Variants in ARF4 observed in about 807,000 individuals in gnomAD.
The protein encoded by ARF4 is ADP-ribosylation factor 4.
Under a neutral mutation model 24.3 loss-of-function variants are expected in ARF4, and 5 were observed. That is an observed-to-expected ratio of 0.21 (90% CI 0.11 to 0.43). ARF4 has a LOEUF of 0.43. Among genes scored for constraint, ARF4 ranks in the 20% least tolerant of loss-of-function variants. The pLI is 1.00. For synonymous variants in ARF4, 62 were observed against 73.5 expected (o/e 0.84, Z 0.80); for missense variants, 107 against 213.0 (o/e 0.50, Z 3.10).
intron 5 of ARF4, among the ~76,000 whole-genome samples, chr3:57,574,169 G>A (rs2069875686): frequency 6.7e-6 from 1 of 150,032 alleles, no homozygotes; most frequent in African/African-American, 2.5e-5. Context: ...TTGAATTCCT[G>A]ACCTCATGAT....
chr3:57,573,212 A>AAAAG (rs1553729362), intron 5 of ARF4, among the ~76,000 whole-genome samples: 3 of 151,700 alleles, frequency 2.0e-5, no homozygotes, highest in African/African-American at 7.3e-5. Flanking sequence ...AAAAAAAAAA[A>AAAAG]AAAGAAAGAA....
At position 57,572,519 on chromosome 3, in the gene ARF4, G is replaced by A. The variant is rs546754161; in HGVS notation, c.457-221C>T. Among the ~76,000 whole-genome samples the A allele has an allele frequency of 4.6e-5, 7 of 152,114 alleles. No homozygotes were observed. The South Asian group carries it at 8.3e-4, about 18-fold the overall frequency. ...GAGGATCACTTGAGCTTAGTAGTTC[G>A]AGACCAGCCTGGGTAACATGGTGAG... On this transcript the variant is annotated intron_variant, in intron 5 of 5. Transcript: ENST00000303436.
Position 57,587,844 on chromosome 3 carries a change from C to CAGCA in ARF4, c.68-3384_68-3381dup, listed in dbSNP as rs1378629106. ...TACAAGACAACAGTTTAATGGCTCACAGCAACACAGAATGTATCTTATGCA... is the reference window on the plus strand; with the variant it reads ...TACAAGACAACAGTTTAATGGCTCACAGCAAGCAACACAGAATGTATCTTATGCA... On this transcript the variant is annotated intron_variant, in intron 1 of 5. Coordinates refer to ENST00000303436, the MANE Select transcript of ARF4 (RefSeq NM_001660.4). 2.6e-5 allele frequency among the ~76,000 whole-genome samples: 4 copies of CAGCA among 152,068 alleles called. No homozygotes were observed. In the South Asian group the frequency reaches 8.3e-4, roughly 31 times the overall value.
At chr3:57,594,934 A>C (rs2070163550) in intron 1 of ARF4, among the ~76,000 whole-genome samples, 1 of 152,190 alleles carries the variant, frequency 6.6e-6, no homozygotes, top group Non-Finnish European at 1.5e-5. Flanking sequence ...ACTTCCTTTG[A>C]TGAGTTACCA....
chr3:57,584,346 A>T (rs2070011962), intron 2 of ARF4, 38 bp downstream of exon 2: 1 of 1,454,400 alleles, frequency 6.9e-7, no homozygotes, highest in Non-Finnish European at 9.6e-7. Flanking sequence ...TCACTTTACA[A>T]CATATCATGA....
chr3:57,590,015 C>T (rs1385372867), intron 1 of ARF4, among the ~76,000 whole-genome samples: 3 of 149,494 alleles, frequency 2.0e-5, no homozygotes, highest in East Asian at 2.0e-4. Context: ...TGCTTGAACC[C>T]GGGAGGTGGA....
chr3:57,585,535 C>T lies in ARF4; in HGVS notation c.68-1071G>A, dbSNP rs142460376. On this transcript the variant is annotated intron_variant, in intron 1 of 5. Coordinates refer to ENST00000303436, the MANE Select transcript of ARF4 (RefSeq NM_001660.4). ...AATGTAAACAACGAGTTAATGGGTG[C>T]AGCACACCAACATGGCACATGTATA... 2.6e-3 allele frequency among the ~76,000 whole-genome samples: 392 copies of T among 152,238 alleles called. 1 individual carries two copies. The highest frequency in any genetic ancestry group is 4.5e-3 in the Non-Finnish European group (303 of 68,016).
At chr3:57,575,508 T>A in intron 5 of ARF4, 40 bp downstream of exon 5, 4 of 1,578,162 alleles carry the variant, frequency 2.5e-6, no homozygotes, top group Non-Finnish European at 3.4e-6. Flanking sequence ...CTAGTAAGTC[T>A]TAATAGTCAA....
chr3:57,588,490 C>A (rs2070065472), intron 1 of ARF4, among the ~76,000 whole-genome samples: 1 of 151,924 alleles, frequency 6.6e-6, no homozygotes, highest in Non-Finnish European at 1.5e-5. Flanking sequence ...GGTGGATGAC[C>A]TGAGCTCAGG....
chr3:57,586,228 T>C (rs1429876742), intron 1 of ARF4, among the ~76,000 whole-genome samples: 1 of 152,202 alleles, frequency 6.6e-6, no homozygotes, highest in Non-Finnish European at 1.5e-5. Context: ...CCGCCTGGGT[T>C]TATCTTATCA....
intron 1 of ARF4, among the ~76,000 whole-genome samples, chr3:57,587,319 C>CAAAAAAA (rs56787111): frequency 8.8e-5 from 4 of 45,368 alleles, no homozygotes; most frequent in African/African-American, 1.5e-4. Flanking sequence ...AACTCAGTCT[C>CAAAAAAA]AAAAAAAAAA....
At chr3:57,585,311 C>G (rs569664104) in intron 1 of ARF4, among the ~76,000 whole-genome samples, 2 of 152,194 alleles carry the variant, frequency 1.3e-5, no homozygotes, top group African/African-American at 4.8e-5. Context: ...GTAAAAAATA[C>G]ACTGGTATAA....
At chr3:57,575,269 C>T (rs2153408416) in intron 5 of ARF4, among the ~76,000 whole-genome samples, 1 of 146,672 alleles carries the variant, frequency 6.8e-6, no homozygotes, top group East Asian at 2.0e-4. Flanking sequence ...TTAAGACTAT[C>T]AATAATCTTC....
chr3:57,588,468 G>T (rs139429701), intron 1 of ARF4, among the ~76,000 whole-genome samples: 1,842 of 152,348 alleles, frequency 0.012, 27 homozygotes, highest in Non-Finnish European at 0.014. Context: ...AGCATGTTGG[G>T]AGGCTGAGGC....
chr3:57,580,701 C>G (rs1205593151), intron 3 of ARF4, among the ~76,000 whole-genome samples: 1 of 151,970 alleles, frequency 6.6e-6, no homozygotes, highest in Non-Finnish European at 1.5e-5. Flanking sequence ...GTCCTGAAAC[C>G]TACCCTTTAC....
At chr3:57,589,333 C>T (rs750846046) in intron 1 of ARF4, among the ~76,000 whole-genome samples, 2 of 152,098 alleles carry the variant, frequency 1.3e-5, no homozygotes, top group Non-Finnish European at 2.9e-5. Flanking sequence ...GAGGCTGAGG[C>T]AGGAGGATCC....
intron 3 of ARF4, among the ~76,000 whole-genome samples, chr3:57,581,844 G>A (rs1462643937): frequency 6.6e-6 from 1 of 152,158 alleles, no homozygotes; most frequent in South Asian, 2.1e-4. Flanking sequence ...AGATGAGTAT[G>A]AAACAACACA....
At chr3:57,593,732 C>T (rs981498686) in intron 1 of ARF4, among the ~76,000 whole-genome samples, 1 of 152,088 alleles carries the variant, frequency 6.6e-6, no homozygotes, top group African/African-American at 2.4e-5. Flanking sequence ...GATACAGAAA[C>T]CAGACTTAAA....
chr3:57,591,698 C>A (rs1407987837), intron 1 of ARF4, among the ~76,000 whole-genome samples: 1 of 152,130 alleles, frequency 6.6e-6, no homozygotes. Context: ...AACTCCTGAC[C>A]TCGTGATCTG....
Sources: allele counts gnomAD v4.1 joint callset (sites outside exome capture counted in the v4.1 genomes callset), GRCh38; gene constraint gnomAD v4.1.1; transcripts MANE v1.5; gene names NCBI Gene and HGNC (gene_info 2026-07-23, HGNC 2026-07-21).